Variants in NUDT13 observed in about 807,000 individuals in gnomAD.
NUDT13 encodes NAD(P)H pyrophosphatase NUDT13, mitochondrial.
In NUDT13, 40 loss-of-function variants were observed where a neutral mutation model predicts 41.7. The observed-to-expected ratio is 0.96, with a 90% confidence interval of 0.75 to 1.25. The LOEUF (loss-of-function observed/expected upper bound fraction) is 1.25, where lower values mean the gene tolerates loss of function less well. Among genes scored for constraint, NUDT13 ranks in the 50% most tolerant of loss-of-function variants. NUDT13 has a pLI of 0.00. For synonymous variants in NUDT13, 145 were observed against 155.5 expected (o/e 0.93, Z 0.50); for missense variants, 390 against 416.1 (o/e 0.94, Z 0.55).
chr10:73,126,527 T>C, intron 7 of NUDT13, 146 bp from the exon 8 acceptor site: 1 of 810,958 alleles, frequency 1.2e-6, no homozygotes, highest in East Asian at 2.6e-5. Flanking sequence ...TGATTCTTAT[T>C]GTTGGAATGA....
At chr10:73,124,372 G>A (rs1187672424) in intron 5 of NUDT13, 52 bp downstream of exon 5, 2 of 1,242,894 alleles carry the variant, frequency 1.6e-6, no homozygotes, top group Non-Finnish European at 2.4e-6. Context: ...AGTAAGTGTG[G>A]GCAAATCCAT....
At chr10:73,124,117 A>T in intron 4 of NUDT13, 97 bp from the exon 5 acceptor site, 1 of 804,830 alleles carries the variant, frequency 1.2e-6, no homozygotes, top group Admixed American at 2.0e-5. Context: ...CTTACGAGGC[A>T]AGTTTGGGAA....
chr10:73,123,478 G>C (rs186105264), intron 4 of NUDT13, among the ~76,000 whole-genome samples: 8 of 152,076 alleles, frequency 5.3e-5, no homozygotes, highest in Admixed American at 3.3e-4. Flanking sequence ...TAATGCAAAT[G>C]TTCTTGCCCC....
At position 73,129,334 on chromosome 10, in the gene NUDT13, G is replaced by A. The variant is rs531851630; in HGVS notation, c.859-1369G>A. ...ATTACAGGTGCCTGCCAGCATGCCC[G>A]GCTAATTTTTGTATTTTTATTAGAG... is the stretch of plus-strand genomic sequence containing the variant. On this transcript the variant is annotated intron_variant, in intron 8 of 8. Coordinates refer to ENST00000357321, the MANE Select transcript of NUDT13 (RefSeq NM_015901.6). 9.7e-4 allele frequency among the ~76,000 whole-genome samples: 147 copies of A among 151,840 alleles called. 1 individual carries two copies. Among genetic ancestry groups the A allele is most frequent in the South Asian group, 5.6e-3 (27 of 4,800 alleles).
intron 8 of NUDT13, among the ~76,000 whole-genome samples, chr10:73,127,272 G>A (rs1842812029): frequency 1.3e-5 from 2 of 151,970 alleles, no homozygotes; most frequent in African/African-American, 4.8e-5. Context: ...CCAGCTATTT[G>A]GGAGGCTGAG....
chr10:73,114,287 C>G, intron 1 of NUDT13, 70 bp from the exon 2 acceptor site: 1 of 688,768 alleles, frequency 1.5e-6, no homozygotes, highest in Admixed American at 2.4e-5. Flanking sequence ...AAGTATAACC[C>G]TCTTGGCAAT....
At chr10:73,111,431 T>A (rs1842365437) in intron 1 of NUDT13, among the ~76,000 whole-genome samples, 1 of 152,196 alleles carries the variant, frequency 6.6e-6, no homozygotes. Flanking sequence ...TGGAGTGCAG[T>A]GGCGCGATCT....
intron 8 of NUDT13, among the ~76,000 whole-genome samples, chr10:73,129,100 C>T (rs1371174342): frequency 6.6e-6 from 1 of 150,632 alleles, no homozygotes; most frequent in Non-Finnish European, 1.5e-5. Flanking sequence ...TCAAGTCAGT[C>T]AGGATGCTGG....
intron 4 of NUDT13, 134 bp downstream of exon 4, chr10:73,122,443 T>A: frequency 2.3e-6 from 2 of 855,564 alleles, no homozygotes; most frequent in Non-Finnish European, 3.6e-6. Flanking sequence ...AAAAGGACAT[T>A]AAAAAGTGTC....
At chr10:73,122,455 T>C in intron 4 of NUDT13, 146 bp downstream of exon 4, 1 of 740,934 alleles carries the variant, frequency 1.3e-6, no homozygotes, top group Non-Finnish European at 2.2e-6. Context: ...AAAAGTGTCA[T>C]CTGCTATCAT....
rs112233543 is a variant in NUDT13 at position 73,114,106 on chromosome 10, T to C, written c.-9-251T>C. On this transcript the variant is annotated intron_variant, in intron 1 of 8. Coordinates refer to ENST00000357321, the MANE Select transcript of NUDT13 (RefSeq NM_015901.6). ...CTACAGGATTCCTTCTACTTCATTC[T>C]TACTCTAAGTGGGTAGAACAGGTTT... Among the ~76,000 whole-genome samples, 7 of 152,320 alleles carry C rather than the reference T, an allele frequency of 4.6e-5. 1 individual carries two copies. The highest frequency in any genetic ancestry group is 1.7e-4 in the African/African-American group (7 of 41,574).
chr10:73,110,611 G>A (rs950014500), intron 1 of NUDT13, 44 bp downstream of exon 1: 5 of 152,210 alleles, frequency 3.3e-5, no homozygotes, highest in Admixed American at 6.5e-5. Flanking sequence ...CTAAGTGCAG[G>A]AAGGACTTCA....
chr10:73,114,520 T>C (rs1226180177), intron 2 of NUDT13, 72 bp downstream of exon 2: 1 of 608,732 alleles, frequency 1.6e-6, no homozygotes, highest in East Asian at 3.4e-5. Context: ...TATGATTTTA[T>C]ATATATATTT....
intron 4 of NUDT13, among the ~76,000 whole-genome samples, chr10:73,123,501 G>C (rs1043666602): frequency 6.6e-6 from 1 of 152,150 alleles, no homozygotes; most frequent in Non-Finnish European, 1.5e-5. Flanking sequence ...AGAAGATCTT[G>C]AGAAATACTA....
chr10:73,131,290 A>G lies in NUDT13; in HGVS notation c.*387A>G, dbSNP rs779500373. On this transcript the variant is annotated 3_prime_UTR_variant, in exon 9 of 9. Coordinates refer to ENST00000357321, the MANE Select transcript of NUDT13 (RefSeq NM_015901.6). Reference sequence around the variant, plus strand: ...ATGTGCCTGTTGTAAGTTTGGTTAAAACTTTTATCTTAGTATTGAAAATAT... The same window carrying G: ...ATGTGCCTGTTGTAAGTTTGGTTAAGACTTTTATCTTAGTATTGAAAATAT... The G allele has an allele frequency of 5.2e-6, 1 of 192,348 alleles. No homozygotes were observed. 11.9% of individuals were successfully genotyped at this position (192,348 alleles called of 1,614,324 possible). A position where few individuals can be genotyped will look rare whatever the true frequency, so the allele number is the denominator to read the frequency against.
chr10:73,116,696 C>T (rs970298645), intron 2 of NUDT13, among the ~76,000 whole-genome samples: 2 of 151,638 alleles, frequency 1.3e-5, no homozygotes, highest in South Asian at 2.1e-4. Context: ...AAGCCGAGAT[C>T]GTGTCATTGC....
intron 3 of NUDT13, 60 bp downstream of exon 3, chr10:73,120,217 C>A: frequency 6.6e-7 from 1 of 1,517,928 alleles, no homozygotes; most frequent in Non-Finnish European, 9.0e-7. Flanking sequence ...AGAATTCAGC[C>A]CATAATGAAT....
At chr10:73,128,293 C>G (rs548609110) in intron 8 of NUDT13, among the ~76,000 whole-genome samples, 9 of 152,108 alleles carry the variant, frequency 5.9e-5, no homozygotes, top group African/African-American at 1.9e-4. Flanking sequence ...TTTGAGGAAC[C>G]TCCATATTTT....
At chr10:73,127,121 C>A (rs758650054) in intron 8 of NUDT13, among the ~76,000 whole-genome samples, 2 of 152,030 alleles carry the variant, frequency 1.3e-5, no homozygotes, top group Admixed American at 6.6e-5. Flanking sequence ...TGGCTCATGC[C>A]TGTAATCCCA....
Sources: allele counts gnomAD v4.1 joint callset (sites outside exome capture counted in the v4.1 genomes callset), GRCh38; gene constraint gnomAD v4.1.1; transcripts MANE v1.5; gene names NCBI Gene and HGNC (gene_info 2026-07-23, HGNC 2026-07-21).